C19orf67: variants seen among roughly 807,000 people sequenced by gnomAD.
C19orf67 encodes chromosome 19 open reading frame 67.
In C19orf67, 28 loss-of-function variants were observed where a neutral mutation model predicts 41.4. That is an observed-to-expected ratio of 0.68 (90% CI 0.50 to 0.93). The LOEUF (loss-of-function observed/expected upper bound fraction) is 0.93. Among genes scored for constraint, C19orf67 ranks in the 40% least tolerant of loss-of-function variants. The pLI is 0.00. For missense variants in C19orf67, 421 were observed against 467.0 expected (o/e 0.90, Z 0.91); for synonymous variants, 242 against 203.4 (o/e 1.19, Z -1.62).
Position 14,085,280 on chromosome 19 carries a change from T to C in C19orf67, c.335+13A>G. 3.9e-6 allele frequency: 6 copies of C among 1,535,208 alleles called. No individual in the cohort carries two copies. Among genetic ancestry groups the C allele is most frequent in the Non-Finnish European group, 5.2e-6 (6 of 1,146,080 alleles). On this transcript the variant is annotated intron_variant, in intron 1 of 5. Coordinates refer to ENST00000548523, the MANE Select transcript of C19orf67 (RefSeq NM_001277378.2). ...CCTTACCCATGGGGACCTGGGACCC[T>C]GTCCAGCATCACCTGTAGAGCAAGT...
Position 14,085,771 on chromosome 19 carries a change from GTTCGCCTC to G in C19orf67, c.-152_-145del. The stretch of plus-strand genomic sequence containing the variant: ...GAGCCGCGCCGCCGCGCCGGGGGCC[GTTCGCCTC>G]TTTTGAATTTCAACACGCGGGAGGG... On this transcript the variant is annotated 5_prime_UTR_variant, in exon 1 of 6. Coordinates refer to ENST00000548523, the MANE Select transcript of C19orf67 (RefSeq NM_001277378.2). 1.6e-6 allele frequency: 1 copy of G among 633,904 alleles called. No homozygotes were observed. The highest frequency in any genetic ancestry group is 2.8e-5 in the East Asian group (1 of 36,116). The allele number at this position is 633,904 out of a possible 1,614,324, so 39.3% of individuals were successfully genotyped here. A position where few individuals can be genotyped will look rare whatever the true frequency, so the allele number is the denominator to read the frequency against.
chr19:14,082,030 TAGAC>T, intron 5 of C19orf67, 22 bp from the exon 6 acceptor site: 1 of 1,472,846 alleles, frequency 6.8e-7, no homozygotes, highest in Non-Finnish European at 9.0e-7. Context: ...GGGCCAGGGA[TAGAC>T]AGGCCTGGAC....
Position 14,081,903 on chromosome 19 carries a change from C to G in C19orf67, c.1008G>C (p.Thr336=). Residue 336 remains threonine, a synonymous_variant, in exon 6 of 6, where the codon ACG becomes ACC. Coordinates refer to ENST00000548523, the MANE Select transcript of C19orf67 (RefSeq NM_001277378.2). ...LATDLLVQIL[T]GQAGQARPPS... is the part of the protein sequence containing the mutation. ...GAGGCCGGGCCTGGCCTGCCTGGCC[C>G]GTGAGGATCTGCACCAGCAGGTCGG... 6.5e-7 allele frequency: 1 copy of G among 1,534,386 alleles called. No individual in the cohort carries two copies. The highest frequency in any genetic ancestry group is 8.7e-7 in the Non-Finnish European group (1 of 1,145,888).
chr19:14,082,344 A>G (rs1976780962), intron 5 of C19orf67, 125 bp downstream of exon 5: 10 of 1,131,328 alleles, frequency 8.8e-6, no homozygotes, highest in Non-Finnish European at 1.2e-5. Flanking sequence ...AGTGCTTTTC[A>G]GGGCACAATA....
chr19:14,084,848 C>T (rs771527603), intron 1 of C19orf67, among the ~76,000 whole-genome samples: 3 of 152,106 alleles, frequency 2.0e-5, no homozygotes, highest in African/African-American at 7.2e-5. Context: ...AAAACAAACA[C>T]GCAAACAAAA....
intron 1 of C19orf67, among the ~76,000 whole-genome samples, chr19:14,084,355 A>G (rs1976819909): frequency 6.6e-6 from 1 of 151,300 alleles, no homozygotes; most frequent in Non-Finnish European, 1.5e-5. Context: ...GCCCCACTGC[A>G]CTCCAGCTTG....
rs1319247183 is a variant in C19orf67 at position 14,083,513 on chromosome 19, G to T, written c.573C>A (p.Asn191Lys). 6 of 1,535,790 alleles carry T rather than the reference G, an allele frequency of 3.9e-6. No individual in the cohort carries two copies. Among genetic ancestry groups the T allele is most frequent in the Non-Finnish European group, 5.2e-6 (6 of 1,146,784 alleles). ...GTCTCCTACCATTTTACCTAAGGGG[G>T]TTCATCTCCTCCAGGTCCACGAACC... The part of the protein sequence containing the change: ...SFGFVDLEEM[N>K]PLSISCFFCG... Residue 191 changes from asparagine (N) to lysine (K), a missense_variant, in exon 3 of 6, where the codon AAC becomes AAA. Asn to Lys is a moderately conservative substitution (Grantham distance 94, BLOSUM62 0). This residue lies in a region of C19orf67 where 253 missense variants were observed against 307.0 expected (regional missense o/e 0.82). Coordinates refer to ENST00000548523, the MANE Select transcript of C19orf67 (RefSeq NM_001277378.2).
intron 5 of C19orf67, 134 bp from the exon 6 acceptor site, chr19:14,082,142 G>T: frequency 1.3e-6 from 1 of 793,770 alleles, no homozygotes; most frequent in Non-Finnish European, 1.9e-6. Flanking sequence ...ACCCCCGGGG[G>T]AAACTTGTTT....
Position 14,081,909 on chromosome 19 carries a change from G to T in C19orf67, c.1002C>A (p.Ile334=). ...GGGCCTGGCCTGCCTGGCCCGTGAG[G>T]ATCTGCACCAGCAGGTCGGTGGCCA... The part of the protein sequence containing the change: ...PTLATDLLVQ[I]LTGQAGQARP... The change falls in exon 6 of 6, where the codon ATC becomes ATA. Residue 334 remains isoleucine, a synonymous_variant. Transcript: ENST00000548523. 1 of 1,534,470 alleles carries T rather than the reference G, an allele frequency of 6.5e-7. No individual in the cohort carries two copies.
chr19:14,083,644 T>A (rs1163362534), intron 2 of C19orf67, 39 bp from the exon 3 acceptor site: 2 of 1,529,922 alleles, frequency 1.3e-6, no homozygotes, highest in Non-Finnish European at 1.8e-6. Context: ...TCAGCTGGCC[T>A]GCGAGGAGTG....
At position 14,085,333 on chromosome 19, in the gene C19orf67, G is replaced by A. The variant is rs572913428; in HGVS notation, c.295C>T (p.Leu99=). 21 of 1,536,246 alleles carry A rather than the reference G, an allele frequency of 1.4e-5. No individual in the cohort carries two copies. In the East Asian group the frequency reaches 4.6e-4, roughly 34 times the overall value. Residue 99 remains leucine, a synonymous_variant, in exon 1 of 6, where the codon CTG becomes TTG. Coordinates refer to ENST00000548523, the MANE Select transcript of C19orf67 (RefSeq NM_001277378.2). The part of the protein sequence containing the change: ...SPITQQLRYL[L]KKADDFQSYL... ...CTCTGGAAATCATCTGCCTTCTTCA[G>A]TAGGTAGCGCAGCTGTTGGGTGATG... is the stretch of plus-strand genomic sequence containing the variant.
chr19:14,085,221 G>T, intron 1 of C19orf67, 72 bp downstream of exon 1: 1 of 1,296,790 alleles, frequency 7.7e-7, no homozygotes. Context: ...ACCCTGGTGT[G>T]TGTCACCCAT....
In C19orf67 at chr19:14,085,538, G is replaced by C; in HGVS notation, c.90C>G (p.Pro30=). 6.5e-7 allele frequency: 1 copy of C among 1,535,310 alleles called. No homozygotes were observed. The highest frequency in any genetic ancestry group is 2.4e-5 in the East Asian group (1 of 40,886). Residue 30 remains proline, a synonymous_variant, in exon 1 of 6, where the codon CCC becomes CCG. Coordinates refer to ENST00000548523, the MANE Select transcript of C19orf67 (RefSeq NM_001277378.2). ...GCGTCGACCTGGAGGGGTCTCCGCA[G>C]GGCGGCGTCCCAGGTTCCAAGGCGT... is the stretch of plus-strand genomic sequence containing the variant. ...PPDALEPGTP[P]CGDPSRSTPP...
At chr19:14,084,599 A>G (rs1568518974) in intron 1 of C19orf67, among the ~76,000 whole-genome samples, 1 of 152,108 alleles carries the variant, frequency 6.6e-6, no homozygotes, top group Admixed American at 6.6e-5. Context: ...TTGGGAGGCC[A>G]AGGCGGGTGG....
Position 14,083,435 on chromosome 19 carries a change from G to A in C19orf67, c.582-13C>T. 6.5e-7 allele frequency: 1 copy of A among 1,530,916 alleles called. No homozygotes were observed. Among genetic ancestry groups the A allele is most frequent in the Non-Finnish European group, 8.7e-7 (1 of 1,142,960 alleles). 94.8% of individuals were successfully genotyped at this position (1,530,916 alleles called of 1,614,324 possible). The stretch of plus-strand genomic sequence containing the variant: ...GAAACAGGAGATGCTGGCGAGACAT[G>A]AGAGAATGGAGGGGTGAGGCTGGGC... On this transcript the variant is annotated splice_polypyrimidine_tract_variant and intron_variant, in intron 3 of 5. Coordinates refer to ENST00000548523, the MANE Select transcript of C19orf67 (RefSeq NM_001277378.2).
At chr19:14,083,099 C>G (rs931359537) in intron 4 of C19orf67, 138 bp downstream of exon 4, 14 of 734,670 alleles carry the variant, frequency 1.9e-5, no homozygotes, top group Non-Finnish European at 2.9e-5. Context: ...CCTCGGCCTC[C>G]CAAAGTGTTG....
At position 14,085,503 on chromosome 19, in the gene C19orf67, C is replaced by G; in HGVS notation, c.125G>C (p.Arg42Thr). The stretch of plus-strand genomic sequence containing the variant: ...ATCCGGCTCAGATGGGTTCCCAGGC[C>G]TGCCAGGGGGCGTCGACCTGGAGGG... ...GDPSRSTPPG[R>T]PGNPSEPDPE... Residue 42 changes from arginine (R) to threonine (T), a missense_variant, in exon 1 of 6, where the codon AGG (arginine) becomes ACG (threonine). This residue lies in a region of C19orf67 where 160 missense variants were observed against 139.2 expected (regional missense o/e 1.15). Transcript: ENST00000548523. The G allele has an allele frequency of 2.0e-6, 3 of 1,535,452 alleles. No individual in the cohort carries two copies. The highest frequency in any genetic ancestry group is 2.6e-6 in the Non-Finnish European group (3 of 1,146,750).
Position 14,083,349 on chromosome 19 carries a change from G to A in C19orf67, c.655C>T (p.Pro219Ser). ...HEVSIFRYCA[P>S]TAYTASRFPR... The stretch of plus-strand genomic sequence containing the variant: ...AAGCGGCTGGCAGTGTAGGCGGTTG[G>A]GGCACAGTATCTGAAGATGGAGACC... Residue 219 changes from proline to serine, a missense_variant, in exon 4 of 6, where the codon CCA becomes TCA. This residue lies in a region of C19orf67 where 253 missense variants were observed against 307.0 expected (regional missense o/e 0.82). Coordinates refer to ENST00000548523, the MANE Select transcript of C19orf67 (RefSeq NM_001277378.2). 1 of 1,535,924 alleles carries A rather than the reference G, an allele frequency of 6.5e-7. No homozygotes were observed. Among genetic ancestry groups the A allele is most frequent in the Non-Finnish European group, 8.7e-7 (1 of 1,146,848 alleles).
chr19:14,084,323 G>A (rs967801973), intron 1 of C19orf67, among the ~76,000 whole-genome samples: 2 of 151,902 alleles, frequency 1.3e-5, no homozygotes, highest in Non-Finnish European at 2.9e-5. Flanking sequence ...CCAGGAGTTC[G>A]AGGGTGCAGT....
Sources: allele counts gnomAD v4.1 joint callset (sites outside exome capture counted in the v4.1 genomes callset), GRCh38; gene constraint gnomAD v4.1.1; regional missense constraint gnomAD v4.1.1; transcripts MANE v1.5; gene names NCBI Gene and HGNC (gene_info 2026-07-23, HGNC 2026-07-21).